The following SULF2 variants were observed in gnomAD, a reference collection of about 807,000 sequenced individuals.
SULF2 encodes the protein extracellular sulfatase Sulf-2.
In SULF2, 52 loss-of-function variants were observed where a neutral mutation model predicts 107.7. The observed-to-expected ratio is 0.48, with a 90% CI of 0.39 to 0.61. The LOEUF is 0.61. Among genes scored for constraint, SULF2 ranks in the 20% least tolerant of loss-of-function variants. The pLI, the probability that SULF2 is intolerant of heterozygous loss-of-function variation, is 0.00. For synonymous variants in SULF2, 460 were observed against 464.3 expected (o/e 0.99, Z 0.12); for missense variants, 993 against 1,177.3 (o/e 0.84, Z 2.29).
chr20:47,714,209 T>A (rs1322528413), intron 3 of SULF2, among the ~76,000 whole-genome samples: 5 of 152,230 alleles, frequency 3.3e-5, no homozygotes, highest in African/African-American at 4.8e-5. Context: ...CAATTCCAGT[T>A]GTCCGCGTGC....
chr20:47,727,031 A>G (rs915398345), intron 3 of SULF2, among the ~76,000 whole-genome samples: 12 of 144,150 alleles, frequency 8.3e-5, no homozygotes, highest in Non-Finnish European at 1.7e-4. Context: ...AGGTTTGCTC[A>G]GTTTGACATC....
chr20:47,755,650 A>T (rs780467031), intron 2 of SULF2, among the ~76,000 whole-genome samples: 1 of 152,106 alleles, frequency 6.6e-6, no homozygotes, highest in Non-Finnish European at 1.5e-5. Flanking sequence ...CTATCACCCC[A>T]TCGGCCTCTG....
In SULF2 at chr20:47,670,005, G is replaced by A. The variant is rs182819729; in HGVS notation, c.1576+2193C>T. ...TAATCAGCTGGTGAGGAAATGTAAC[G>A]GAGGGTCATCAGCTGGGAAACGGTG... On this transcript the variant is annotated intron_variant, in intron 11 of 20. Transcript: ENST00000688720. 5.6e-4 allele frequency among the ~76,000 whole-genome samples: 86 copies of A among 152,216 alleles called. 1 individual carries two copies. The highest frequency in any genetic ancestry group is 4.4e-3 in the Admixed American group (68 of 15,296).
At chr20:47,721,649 C>T (rs1248464660) in intron 3 of SULF2, among the ~76,000 whole-genome samples, 2 of 152,182 alleles carry the variant, frequency 1.3e-5, no homozygotes, top group African/African-American at 4.8e-5. Context: ...GGATTACAGG[C>T]GTGAGCTACT....
intron 4 of SULF2, among the ~76,000 whole-genome samples, chr20:47,692,073 C>A (rs2088215452): frequency 6.6e-6 from 1 of 152,134 alleles, no homozygotes; most frequent in African/African-American, 2.4e-5. Flanking sequence ...TACAACTCTT[C>A]CTGAATTTAG....
At chr20:47,711,303 C>T (rs1600542909) in intron 3 of SULF2, among the ~76,000 whole-genome samples, 2 of 152,218 alleles carry the variant, frequency 1.3e-5, no homozygotes, top group Admixed American at 6.5e-5. Context: ...CCTGGATCTG[C>T]CACCTCCTAG....
chr20:47,662,981 T>G, intron 17 of SULF2, 89 bp downstream of exon 17: 1 of 1,510,724 alleles, frequency 6.6e-7, no homozygotes. Flanking sequence ...TTGGACAATT[T>G]GTCATCACTT....
intron 2 of SULF2, among the ~76,000 whole-genome samples, chr20:47,743,188 G>A (rs555828574): frequency 6.6e-6 from 1 of 152,192 alleles, no homozygotes; most frequent in East Asian, 1.9e-4. Flanking sequence ...AATGGGGCAG[G>A]GAGAAAAATA....
intron 3 of SULF2, among the ~76,000 whole-genome samples, chr20:47,713,380 G>A (rs1387881466): frequency 6.6e-6 from 1 of 152,176 alleles, no homozygotes; most frequent in Non-Finnish European, 1.5e-5. Flanking sequence ...AGTGTCACCA[G>A]TGCCGAGGTT....
intron 3 of SULF2, among the ~76,000 whole-genome samples, chr20:47,704,749 G>T (rs1404885231): frequency 6.6e-6 from 1 of 152,234 alleles, no homozygotes; most frequent in Non-Finnish European, 1.5e-5. Flanking sequence ...CCAGGAGGTT[G>T]TAGGGATGTA....
At chr20:47,730,982 T>TG (rs1238986240) in intron 3 of SULF2, among the ~76,000 whole-genome samples, 2 of 152,044 alleles carry the variant, frequency 1.3e-5, no homozygotes, top group African/African-American at 4.8e-5. Flanking sequence ...GGCTGGCATG[T>TG]GACTCAGGGT....
At chr20:47,735,668 C>T (rs951121830) in intron 3 of SULF2, among the ~76,000 whole-genome samples, 2 of 152,182 alleles carry the variant, frequency 1.3e-5, no homozygotes, top group African/African-American at 2.4e-5. Flanking sequence ...GGTATAGGAA[C>T]GAGGCCTTCC....
At chr20:47,736,155 T>C (rs562181231) in intron 3 of SULF2, among the ~76,000 whole-genome samples, 1 of 152,238 alleles carries the variant, frequency 6.6e-6, no homozygotes, top group South Asian at 2.1e-4. Context: ...TCCTGAAGGA[T>C]AAGCAAACAG....
chr20:47,665,706 C>T, intron 13 of SULF2, 151 bp downstream of exon 13: 4 of 655,024 alleles, frequency 6.1e-6, no homozygotes, highest in Non-Finnish European at 1.1e-5. Flanking sequence ...GGGACTGACA[C>T]CTATCCCCGC....
intron 1 of SULF2, among the ~76,000 whole-genome samples, chr20:47,780,309 G>A (rs957424596): frequency 2.0e-5 from 3 of 151,856 alleles, no homozygotes; most frequent in African/African-American, 7.3e-5. Flanking sequence ...GAGCCACCAC[G>A]CCTGGCCTAC....
chr20:47,765,303 G>A (rs996280292), intron 1 of SULF2, among the ~76,000 whole-genome samples: 89 of 151,328 alleles, frequency 5.9e-4, no homozygotes, highest in African/African-American at 2.1e-3. Context: ...GCAGTGAGCC[G>A]AGATCGAGCC....
chr20:47,746,068 G>A (rs940005424), intron 2 of SULF2, among the ~76,000 whole-genome samples: 8 of 152,196 alleles, frequency 5.3e-5, no homozygotes, highest in African/African-American at 1.7e-4. Flanking sequence ...CCTGAGTAGC[G>A]AAGGCCCACT....
chr20:47,676,653 C>A, intron 9 of SULF2, 30 bp from the exon 10 acceptor site: 1 of 1,547,286 alleles, frequency 6.5e-7, no homozygotes, highest in South Asian at 1.2e-5. Context: ...AGCCGCGGGG[C>A]CGGCCTCTCA....
At chr20:47,748,081 A>C (rs1046879518) in intron 2 of SULF2, among the ~76,000 whole-genome samples, 4 of 152,170 alleles carry the variant, frequency 2.6e-5, no homozygotes, top group African/African-American at 9.7e-5. Flanking sequence ...TGACCAGCTC[A>C]GAACATTCTG....
Sources: allele counts gnomAD v4.1 joint callset (sites outside exome capture counted in the v4.1 genomes callset), GRCh38; gene constraint gnomAD v4.1.1; transcripts MANE v1.5; gene names NCBI Gene and HGNC (gene_info 2026-07-23, HGNC 2026-07-21).